The following ABTB2 variants were observed in gnomAD, a reference collection of about 807,000 sequenced individuals.
The protein encoded by ABTB2 is ankyrin repeat and BTB/POZ domain-containing protein 2.
A neutral mutation model predicts 104.1 loss-of-function variants in ABTB2; 56 were observed. That is an observed-to-expected ratio of 0.54 (90% confidence interval 0.43 to 0.67). ABTB2 has a LOEUF of 0.67. Among genes scored for constraint, ABTB2 ranks in the 30% least tolerant of loss-of-function variants. The probability of loss-of-function intolerance (pLI) is 0.00; values close to 1 mark genes in which losing one functional copy is unlikely to be tolerated. For missense variants in ABTB2, 1,279 were observed against 1,407.7 expected, an observed-to-expected ratio of 0.91 and a Z score of 1.46; for synonymous variants, 606 against 608.2, an observed-to-expected ratio of 1.00 and a Z score of 0.05.
intron 1 of ABTB2, among the ~76,000 whole-genome samples, chr11:34,219,025 T>A (rs1853582862): frequency 7.1e-6 from 1 of 140,120 alleles, no homozygotes; most frequent in Non-Finnish European, 1.5e-5. Flanking sequence ...ATCCAAATAT[T>A]CATTACACGC....
intron 1 of ABTB2, 26 bp from the exon 2 acceptor site, chr11:34,204,716 CA>C: frequency 6.2e-7 from 1 of 1,602,484 alleles, no homozygotes. Context: ...GCAGACAGGT[CA>C]CACTTAGGAA....
Position 34,327,175 on chromosome 11 carries a change from T to C in ABTB2, c.883+29526A>G, listed in dbSNP as rs1855079319. Among the ~76,000 whole-genome samples, 7 of 152,346 alleles carry C rather than the reference T, an allele frequency of 4.6e-5. No homozygotes were observed. In the South Asian group the frequency reaches 1.4e-3, roughly 32 times the overall value. ...TATTTGCTGTATACAAGAAACTCAC[T>C]TGGAATACGATATAGGCTAGTTAAA... is the stretch of plus-strand genomic sequence containing the variant. On this transcript the variant is annotated intron_variant, in intron 1 of 16. Coordinates refer to ENST00000435224, the MANE Select transcript of ABTB2 (RefSeq NM_145804.3).
chr11:34,275,216 C>T (rs947215509), intron 1 of ABTB2, among the ~76,000 whole-genome samples: 2 of 152,214 alleles, frequency 1.3e-5, no homozygotes, highest in African/African-American at 2.4e-5. Flanking sequence ...GCATTCCTTA[C>T]GCAAGCCCTG....
At chr11:34,224,146 A>G (rs1853658457) in intron 1 of ABTB2, among the ~76,000 whole-genome samples, 1 of 152,124 alleles carries the variant, frequency 6.6e-6, no homozygotes, top group Admixed American at 6.5e-5. Flanking sequence ...TGAGTAGCTG[A>G]AAACTACAAG....
intron 5 of ABTB2, among the ~76,000 whole-genome samples, chr11:34,170,593 G>A (rs192673346): frequency 2.6e-4 from 40 of 152,320 alleles, no homozygotes; most frequent in African/African-American, 8.2e-4. Flanking sequence ...CAGGGTTAGC[G>A]ATCGTGTCCC....
intron 1 of ABTB2, among the ~76,000 whole-genome samples, chr11:34,272,869 C>A (rs1283306649): frequency 2.6e-5 from 4 of 152,074 alleles, no homozygotes; most frequent in African/African-American, 9.7e-5. Context: ...TGTACAGCCT[C>A]TAATTCCAGA....
chr11:34,200,919 A>T (rs1163767834), intron 2 of ABTB2, among the ~76,000 whole-genome samples: 1 of 152,234 alleles, frequency 6.6e-6, no homozygotes, highest in Non-Finnish European at 1.5e-5. Context: ...TTCAGAAGTG[A>T]AGAGTGAATT....
At chr11:34,303,677 C>T (rs1478722956) in intron 1 of ABTB2, among the ~76,000 whole-genome samples, 3 of 118,560 alleles carry the variant, frequency 2.5e-5, no homozygotes, top group Non-Finnish European at 4.8e-5. Context: ...GAGTCTCGCT[C>T]TGTAGGCCAG....
intron 1 of ABTB2, among the ~76,000 whole-genome samples, chr11:34,279,143 T>G (rs1854420429): frequency 6.6e-6 from 1 of 152,226 alleles, no homozygotes; most frequent in Non-Finnish European, 1.5e-5. Flanking sequence ...AGCAAATGCA[T>G]GAACTGTCCA....
At chr11:34,266,239 T>A (rs1346105826) in intron 1 of ABTB2, among the ~76,000 whole-genome samples, 1 of 152,122 alleles carries the variant, frequency 6.6e-6, no homozygotes, top group Non-Finnish European at 1.5e-5. Flanking sequence ...CATGCCACCA[T>A]GCCTAGCAAA....
chr11:34,338,419 G>A (rs188006331), intron 1 of ABTB2, among the ~76,000 whole-genome samples: 94 of 148,664 alleles, frequency 6.3e-4, no homozygotes, highest in Non-Finnish European at 1.1e-3. Flanking sequence ...TGTTCTGGTC[G>A]GGAATGGCGG....
At position 34,160,228 on chromosome 11, in the gene ABTB2, C is replaced by T. The variant is rs376052637; in HGVS notation, c.2503+20G>A. The T allele has an allele frequency of 6.8e-5, 107 of 1,582,170 alleles. No individual in the cohort carries two copies. Among genetic ancestry groups the T allele is most frequent in the South Asian group, 1.4e-4 (13 of 90,164 alleles). ...GGGGAGGACGTGTGGTGATGCAGGG[C>T]GCAGGGGGCGCGCCTTCACCTAGCC... On this transcript the variant is annotated intron_variant, in intron 12 of 16. Coordinates refer to ENST00000435224, the MANE Select transcript of ABTB2 (RefSeq NM_145804.3).
At chr11:34,355,593 T>A (rs1855456447) in intron 1 of ABTB2, among the ~76,000 whole-genome samples, 1 of 152,162 alleles carries the variant, frequency 6.6e-6, no homozygotes, top group Non-Finnish European at 1.5e-5. Context: ...TTAAACCATG[T>A]TTTGACTTCT....
At chr11:34,184,516 G>T (rs1439894885) in intron 3 of ABTB2, among the ~76,000 whole-genome samples, 1 of 152,204 alleles carries the variant, frequency 6.6e-6, no homozygotes, top group African/African-American at 2.4e-5. Flanking sequence ...GCGGCATTTC[G>T]TGTGGGTGAG....
chr11:34,316,813 T>C (rs143213734), intron 1 of ABTB2, among the ~76,000 whole-genome samples: 1 of 152,320 alleles, frequency 6.6e-6, no homozygotes, highest in African/African-American at 2.4e-5. Flanking sequence ...ATTAAGGGTA[T>C]ACAAAGGACC....
At chr11:34,214,139 A>AACACACACACACC (rs1853520292) in intron 1 of ABTB2, among the ~76,000 whole-genome samples, 1 of 139,172 alleles carries the variant, frequency 7.2e-6, no homozygotes, top group Non-Finnish European at 1.5e-5. Context: ...GCACATTCAA[A>AACACACACACACC]ACACACACAC....
At chr11:34,338,321 C>A (rs1429617671) in intron 1 of ABTB2, among the ~76,000 whole-genome samples, 10 of 151,398 alleles carry the variant, frequency 6.6e-5, no homozygotes, top group Admixed American at 6.6e-4. Flanking sequence ...ATGGAGGTTG[C>A]AATGAGCTGA....
intron 1 of ABTB2, 61 bp from the exon 2 acceptor site, chr11:34,204,751 A>G (rs1187289576): frequency 6.5e-7 from 1 of 1,542,748 alleles, no homozygotes; most frequent in African/African-American, 1.4e-5. Context: ...AGTGGGCCCC[A>G]GCCTGCTGCA....
At chr11:34,163,539 C>T (rs1230927581) in intron 9 of ABTB2, among the ~76,000 whole-genome samples, 1 of 152,206 alleles carries the variant, frequency 6.6e-6, no homozygotes, top group Non-Finnish European at 1.5e-5. Context: ...GACCCAGGCT[C>T]ATTCTGTCAC....
Sources: gnomAD v4.1 joint callset for allele counts (sites outside exome capture counted in the v4.1 genomes callset) on GRCh38, gnomAD v4.1.1 for gene constraint, MANE v1.5 for transcripts, NCBI Gene and HGNC (gene_info 2026-07-23, HGNC 2026-07-21) for gene names.